KCNN2: variants seen among roughly 807,000 people sequenced by gnomAD.
The protein encoded by KCNN2 is potassium calcium-activated channel subfamily N member 2, also known as small conductance calcium-activated potassium channel protein 2.
KCNN2 carries 24 observed loss-of-function variants against 55.5 expected under a neutral mutation model. That is an observed-to-expected ratio of 0.43 (90% CI 0.31 to 0.61). The LOEUF (loss-of-function observed/expected upper bound fraction) is 0.61, where lower values mean the gene tolerates loss of function less well. KCNN2 is among the 20% of genes least tolerant of loss of function. The probability of loss-of-function intolerance (pLI) is 0.08; values close to 1 mark genes in which losing one functional copy is unlikely to be tolerated. For missense variants in KCNN2, 754 were observed against 853.6 expected, an observed-to-expected ratio of 0.88 and a Z score of 1.45; for synonymous variants, 431 against 336.1, an observed-to-expected ratio of 1.28 and a Z score of -3.09.
intron 2 of KCNN2, among the ~76,000 whole-genome samples, chr5:114,235,716 T>G (rs1197727257): frequency 6.6e-6 from 1 of 152,222 alleles, no homozygotes; most frequent in Non-Finnish European, 1.5e-5. Context: ...GTAGCTTGCT[T>G]AAAACATCAC....
chr5:114,252,312 A>G (rs1464217145), intron 2 of KCNN2, among the ~76,000 whole-genome samples: 2 of 152,228 alleles, frequency 1.3e-5, no homozygotes, highest in African/African-American at 4.8e-5. Context: ...AAGTAATAGA[A>G]TACAGAGAAA....
intron 2 of KCNN2, among the ~76,000 whole-genome samples, chr5:114,319,223 G>C (rs1756566724): frequency 6.6e-6 from 1 of 152,088 alleles, no homozygotes; most frequent in Non-Finnish European, 1.5e-5. Context: ...TCCCACCACT[G>C]GTCTTATCTG....
Position 114,375,952 on chromosome 5 carries a change from GTATATATA to G in KCNN2, c.1218+11969_1218+11976del, listed in dbSNP as rs6149186. Among the ~76,000 whole-genome samples the G allele has an allele frequency of 7.7e-4, 81 of 104,710 alleles. 1 individual carries two copies. Among genetic ancestry groups the G allele is most frequent in the Non-Finnish European group, 1.0e-3 (54 of 53,262 alleles). 68.7% of individuals were successfully genotyped at this position (104,710 alleles called of 152,430 possible). A position where few individuals can be genotyped will look rare whatever the true frequency, so the allele number is the denominator to read the frequency against. Reference sequence around the variant, plus strand: ...AATCATTTAAAAAAAGACTCACAGTGTATATATATATATATATATATATATGTATTTTT... The same window carrying G: ...AATCATTTAAAAAAAGACTCACAGTGTATATATATATATATATGTATTTTT... On this transcript the variant is annotated intron_variant, in intron 2 of 7. Coordinates refer to ENST00000673685, the MANE Select transcript of KCNN2 (RefSeq NM_021614.4).
chr5:114,103,051 G>T (rs1411332535), intron 1 of KCNN2, among the ~76,000 whole-genome samples: 1 of 152,120 alleles, frequency 6.6e-6, no homozygotes, highest in Non-Finnish European at 1.5e-5. Context: ...TCACGATATT[G>T]ATTCTTTCTA....
chr5:114,158,864 A>C (rs1488802456), intron 1 of KCNN2, among the ~76,000 whole-genome samples: 1 of 152,168 alleles, frequency 6.6e-6, no homozygotes, highest in Non-Finnish European at 1.5e-5. Context: ...ATATCCTGAG[A>C]CTTTGCTGAA....
chr5:114,123,554 G>A lies in KCNN2; in HGVS notation c.-271+67054G>A, dbSNP rs551547624. Reference sequence around the variant, plus strand: ...ATTTTTTGTGTTTTTTAGTAGAGACGGGGTTTCACTGTGTTAGCCAGAATG... The same window carrying A: ...ATTTTTTGTGTTTTTTAGTAGAGACAGGGTTTCACTGTGTTAGCCAGAATG... On this transcript the variant is annotated intron_variant, in intron 1 of 10. Transcript: ENST00000512097. Among the ~76,000 whole-genome samples the A allele has an allele frequency of 1.7e-5, 2 of 119,238 alleles. 1 individual carries two copies. Among genetic ancestry groups the A allele is most frequent in the Admixed American group, 1.6e-4 (2 of 12,684 alleles). 78.2% of individuals were successfully genotyped at this position (119,238 alleles called of 152,430 possible).
At chr5:114,079,329 A>T (rs977112066) in intron 1 of KCNN2, among the ~76,000 whole-genome samples, 2 of 152,222 alleles carry the variant, frequency 1.3e-5, no homozygotes, top group African/African-American at 2.4e-5. Flanking sequence ...CAACAAATAT[A>T]ATATAGCATT....
At chr5:114,269,055 C>T (rs544675688) in intron 2 of KCNN2, among the ~76,000 whole-genome samples, 4 of 151,974 alleles carry the variant, frequency 2.6e-5, no homozygotes, top group Admixed American at 6.6e-5. Flanking sequence ...AAGTCCTTCT[C>T]CAAGCTATCA....
At chr5:114,071,243 A>G (rs950008614) in intron 1 of KCNN2, among the ~76,000 whole-genome samples, 1 of 152,212 alleles carries the variant, frequency 6.6e-6, no homozygotes, top group African/African-American at 2.4e-5. Flanking sequence ...GGTGAGAAGC[A>G]CACAGCCAGG....
chr5:114,273,693 G>C (rs1370688284), intron 2 of KCNN2, among the ~76,000 whole-genome samples: 1 of 151,988 alleles, frequency 6.6e-6, no homozygotes, highest in Non-Finnish European at 1.5e-5. Flanking sequence ...ATTTTTGGAT[G>C]GGGTTGTTTT....
Position 114,129,460 on chromosome 5 carries a change from G to T in KCNN2, c.-271+72960G>T, listed in dbSNP as rs1227273534. On this transcript the variant is annotated intron_variant, in intron 1 of 10. Transcript: ENST00000512097. ...ATATAAGGTAACAAGAAGAAAAAGG[G>T]AAAGAGAGTTAGGAAAACATAGCTG... Among the ~76,000 whole-genome samples, 3 of 152,174 alleles carry T rather than the reference G, an allele frequency of 2.0e-5. No individual in the cohort carries two copies. The East Asian group carries it at 5.8e-4, about 29-fold the overall frequency.
intron 2 of KCNN2, among the ~76,000 whole-genome samples, chr5:114,323,649 A>ATATTTTTTTTTTTTTTTTTTTTTTTTT (rs1756655960): frequency 1.2e-5 from 1 of 85,318 alleles, no homozygotes; most frequent in Non-Finnish European, 2.3e-5. Context: ...AAACATATCA[A>ATATTTTTTTTTTTTTTTTTTTTTTTTT]TTTTTTTTTT....
intron 1 of KCNN2, among the ~76,000 whole-genome samples, chr5:114,074,332 G>GCA (rs1455403310): frequency 6.9e-6 from 1 of 145,796 alleles, no homozygotes; most frequent in Non-Finnish European, 1.5e-5. Flanking sequence ...GTGTGTGTGC[G>GCA]CGCGCGCGCC....
chr5:114,196,694 C>A (rs115593190), intron 1 of KCNN2, among the ~76,000 whole-genome samples: 2,916 of 152,086 alleles, frequency 0.019, 39 homozygotes, highest in Non-Finnish European at 0.03. Context: ...AGGTTGTTAG[C>A]AATATTCTGA....
chr5:114,064,205 C>A (rs1332922354), intron 1 of KCNN2, among the ~76,000 whole-genome samples: 2 of 152,208 alleles, frequency 1.3e-5, no homozygotes, highest in East Asian at 3.8e-4. Flanking sequence ...CCAAAGATGG[C>A]AGCTACTAGT....
Position 114,209,897 on chromosome 5 carries a change from T to C in KCNN2, c.-270-11583T>C, listed in dbSNP as rs1480634600. On this transcript the variant is annotated intron_variant, in intron 1 of 10. Transcript: ENST00000512097. ...ATTCACAGATTCCTTATTTGTGAATTCACCTACTCACTAAAATTTTTATTA... is the reference window on the plus strand; with the variant it reads ...ATTCACAGATTCCTTATTTGTGAATCCACCTACTCACTAAAATTTTTATTA... Among the ~76,000 whole-genome samples, 4 of 151,776 alleles carry C rather than the reference T, an allele frequency of 2.6e-5. No homozygotes were observed. In the South Asian group the frequency reaches 8.3e-4, roughly 32 times the overall value.
At chr5:114,206,850 C>T (rs1251097260) in intron 1 of KCNN2, among the ~76,000 whole-genome samples, 2 of 151,746 alleles carry the variant, frequency 1.3e-5, no homozygotes, top group Admixed American at 1.3e-4. Flanking sequence ...TCTGTGTTTT[C>T]AGTTGCACCT....
intron 2 of KCNN2, among the ~76,000 whole-genome samples, chr5:114,267,270 C>T (rs576775260): frequency 3.3e-5 from 5 of 152,294 alleles, no homozygotes; most frequent in East Asian, 1.9e-4. Context: ...GTTGGGATTA[C>T]AGGCGTGAGC....
upstream of KCNN2, among the ~76,000 whole-genome samples, chr5:114,360,680 GAC>G (rs1428760970): frequency 6.6e-6 from 1 of 152,186 alleles, no homozygotes; most frequent in Non-Finnish European, 1.5e-5. Flanking sequence ...GAATTTGTGA[GAC>G]ACCAAATGCA....
Sources: gnomAD v4.1 joint callset for allele counts (sites outside exome capture counted in the v4.1 genomes callset) on GRCh38, gnomAD v4.1.1 for gene constraint, MANE v1.5 for transcripts, NCBI Gene and HGNC (gene_info 2026-07-23, HGNC 2026-07-21) for gene names.